Variants in CDH18 observed in about 807,000 individuals in gnomAD.
CDH18 encodes the protein cadherin-18.
A neutral mutation model predicts 67.9 loss-of-function variants in CDH18; 31 were observed. The observed-to-expected ratio is 0.46, with a 90% CI of 0.34 to 0.62. CDH18 has a LOEUF of 0.62. Ranked by LOEUF, CDH18 falls within the 20% of genes least tolerant of loss-of-function variation. CDH18 has a pLI of 0.01. For synonymous variants in CDH18, 362 were observed against 347.2 expected (o/e 1.04, Z -0.48); for missense variants, 890 against 975.5 (o/e 0.91, Z 1.17).
chr5:20,065,511 T>C (rs1282905794), intron 2 of CDH18, among the ~76,000 whole-genome samples: 1 of 152,010 alleles, frequency 6.6e-6, no homozygotes, highest in Non-Finnish European at 1.5e-5. Context: ...TATAATGAAG[T>C]TATTCCCCAA....
rs115031538 is a variant in CDH18, at chr5:20,275,099, T to G, written c.-579-19594A>C. Among the ~76,000 whole-genome samples the G allele has an allele frequency of 1.0e-3, 155 of 152,266 alleles. 1 individual carries two copies. The highest frequency in any genetic ancestry group is 3.6e-3 in the African/African-American group (149 of 41,556). On this transcript the variant is annotated intron_variant, in intron 1 of 14. Transcript: ENST00000507958. Reference sequence around the variant, plus strand: ...AGCTAAAGATTTTTTTTTTATTATTTTCACCACATTTCTGAGGAGAAATGA... The same window carrying G: ...AGCTAAAGATTTTTTTTTTATTATTGTCACCACATTTCTGAGGAGAAATGA...
At chr5:20,305,079 A>T (rs761559834) in intron 1 of CDH18, 3 of 1,588,860 alleles carry the variant, frequency 1.9e-6, no homozygotes, top group Non-Finnish European at 1.7e-6. Flanking sequence ...CTTTTTTATC[A>T]ACCAAGGCGG....
At chr5:19,490,390 ATC>A (rs1741213530) in intron 11 of CDH18, among the ~76,000 whole-genome samples, 1 of 116,340 alleles carries the variant, frequency 8.6e-6, no homozygotes, top group Non-Finnish European at 1.8e-5. Flanking sequence ...ATATATAAAA[ATC>A]TGTTTTTTTT....
chr5:20,318,710 A>G (rs1158694728), intron 1 of CDH18, among the ~76,000 whole-genome samples: 1 of 152,090 alleles, frequency 6.6e-6, no homozygotes, highest in African/African-American at 2.4e-5. Flanking sequence ...CGATGGTGAC[A>G]TGTTTTATTT....
chr5:19,917,262 C>T lies in CDH18; in HGVS notation c.-257+63798G>A, dbSNP rs565104747. Among the ~76,000 whole-genome samples the T allele has an allele frequency of 2.1e-3, 319 of 152,120 alleles. 1 individual carries two copies. Among genetic ancestry groups the T allele is most frequent in the African/African-American group, 7.3e-3 (304 of 41,506 alleles). On this transcript the variant is annotated intron_variant, in intron 2 of 12. Transcript: ENST00000382275. ...GAACCCATTTTTCCATGTACTTTAA[C>T]CATTGGGGGATCTTTTGTGTCAAAT... is the stretch of plus-strand genomic sequence containing the variant.
chr5:20,290,663 T>C (rs535838306), intron 1 of CDH18, among the ~76,000 whole-genome samples: 2 of 152,150 alleles, frequency 1.3e-5, no homozygotes, highest in Non-Finnish European at 2.9e-5. Flanking sequence ...CAGTGAAAAA[T>C]GCTTGATTCG....
At chr5:20,026,124 T>A (rs1241267068) in intron 2 of CDH18, among the ~76,000 whole-genome samples, 3 of 152,192 alleles carry the variant, frequency 2.0e-5, no homozygotes, top group African/African-American at 7.2e-5. Context: ...TGAATTCATG[T>A]TAGTAGCATG....
intron 10 of CDH18, among the ~76,000 whole-genome samples, chr5:19,509,883 A>C (rs1390019710): frequency 6.6e-6 from 1 of 152,118 alleles, no homozygotes; most frequent in East Asian, 1.9e-4. Flanking sequence ...CAGGCAACAT[A>C]CTAAAAGATT....
intron 5 of CDH18, among the ~76,000 whole-genome samples, chr5:19,703,797 G>T (rs764820243): frequency 7.2e-6 from 1 of 138,788 alleles, no homozygotes; most frequent in South Asian, 2.2e-4. Context: ...AATACTTAAA[G>T]GATTTAAACA....
intron 1 of CDH18, among the ~76,000 whole-genome samples, chr5:20,420,833 G>A (rs1747802471): frequency 6.6e-6 from 1 of 150,950 alleles, no homozygotes; most frequent in Non-Finnish European, 1.5e-5. Context: ...ATGGCATTTT[G>A]CCTGAAAGTA....
At chr5:20,562,860 A>G (rs1758295336) in intron 1 of CDH18, among the ~76,000 whole-genome samples, 1 of 151,992 alleles carries the variant, frequency 6.6e-6, no homozygotes, top group Non-Finnish European at 1.5e-5. Flanking sequence ...TAACATGGTT[A>G]TGAACCACCC....
chr5:20,340,137 C>A (rs1022568120), intron 1 of CDH18, among the ~76,000 whole-genome samples: 2 of 152,118 alleles, frequency 1.3e-5, no homozygotes, highest in Admixed American at 6.6e-5. Flanking sequence ...AGATGAAAAT[C>A]CTTCAGCCTT....
chr5:20,295,752 A>G (rs911537237), intron 1 of CDH18, among the ~76,000 whole-genome samples: 2 of 152,012 alleles, frequency 1.3e-5, no homozygotes. Context: ...CTAAGAAAGC[A>G]TAAGATTTGA....
chr5:20,555,436 TTTTTTTTTTTTTTTC>T (rs1757852447), intron 1 of CDH18, among the ~76,000 whole-genome samples: 1 of 101,702 alleles, frequency 9.8e-6, no homozygotes. Flanking sequence ...TTTTTTTTTT[TTTTTTTTTTTTTTTC>T]TTTTTTCTTT....
At chr5:20,511,980 GGA>G (rs1358549047) in intron 1 of CDH18, among the ~76,000 whole-genome samples, 1 of 152,108 alleles carries the variant, frequency 6.6e-6, no homozygotes, top group Non-Finnish European at 1.5e-5. Context: ...GAGCACTTTG[GGA>G]GGCTGAGGTG....
chr5:20,274,598 C>T (rs1745669499), intron 1 of CDH18, among the ~76,000 whole-genome samples: 1 of 151,904 alleles, frequency 6.6e-6, no homozygotes, highest in South Asian at 2.1e-4. Flanking sequence ...TTATGTGTAG[C>T]TTATATACAT....
chr5:19,864,009 C>A (rs1389215357), intron 2 of CDH18, among the ~76,000 whole-genome samples: 1 of 151,314 alleles, frequency 6.6e-6, no homozygotes, highest in African/African-American at 2.4e-5. Flanking sequence ...ACCATTTGAC[C>A]CAGCCATCCC....
intron 2 of CDH18, among the ~76,000 whole-genome samples, chr5:20,205,965 A>C (rs1739849287): frequency 6.6e-6 from 1 of 151,898 alleles, no homozygotes; most frequent in Admixed American, 6.6e-5. Flanking sequence ...AATCAAACCC[A>C]GAATTAATAC....
At chr5:19,606,561 G>C (rs1220745779) in intron 6 of CDH18, among the ~76,000 whole-genome samples, 10 of 151,894 alleles carry the variant, frequency 6.6e-5, no homozygotes, top group Non-Finnish European at 1.3e-4. Flanking sequence ...GGGTTTAATT[G>C]CTGAACAAAC....
Sources: gnomAD v4.1 joint callset for allele counts (sites outside exome capture counted in the v4.1 genomes callset) on GRCh38, gnomAD v4.1.1 for gene constraint, MANE v1.5 for transcripts, NCBI Gene and HGNC (gene_info 2026-07-23, HGNC 2026-07-21) for gene names.